Variants in SMOC1 observed in about 807,000 individuals in gnomAD.
SMOC1 encodes SPARC related modular calcium binding 1, also known as SPARC-related modular calcium-binding protein 1.
Under a neutral mutation model 56.3 loss-of-function variants are expected in SMOC1, and 22 were observed. That is an observed-to-expected ratio of 0.39 (90% CI 0.28 to 0.56). The LOEUF is 0.56. Ranked by LOEUF, SMOC1 falls within the 20% of genes least tolerant of loss-of-function variation. The pLI is 0.61. For synonymous variants in SMOC1, 193 were observed against 215.0 expected, an observed-to-expected ratio of 0.90 and a Z score of 0.89; for missense variants, 509 against 565.4, an observed-to-expected ratio of 0.90 and a Z score of 1.01.
intron 1 of SMOC1, among the ~76,000 whole-genome samples, chr14:69,932,913 A>G (rs1040314930): frequency 4.6e-5 from 7 of 152,180 alleles, no homozygotes; most frequent in African/African-American, 1.7e-4. Flanking sequence ...GAAGCTGTGC[A>G]AGACTACACC....
intron 1 of SMOC1, among the ~76,000 whole-genome samples, chr14:69,896,191 G>T (rs1884094916): frequency 6.6e-6 from 1 of 152,192 alleles, no homozygotes; most frequent in African/African-American, 2.4e-5. Flanking sequence ...CTTTGTGAAT[G>T]AAATTCACCT....
Position 69,939,303 on chromosome 14 carries a change from G to A in SMOC1, c.100-12835G>A, listed in dbSNP as rs143811859. ...CTTACATGGCAGCAGGCAAGAGAGCGTGTGCAGGGAACTGCCCTTTATAAA... is the reference window on the plus strand; with the variant it reads ...CTTACATGGCAGCAGGCAAGAGAGCATGTGCAGGGAACTGCCCTTTATAAA... On this transcript the variant is annotated intron_variant, in intron 1 of 11. Transcript: ENST00000361956. Among the ~76,000 whole-genome samples, 1,027 of 152,330 alleles carry A rather than the reference G, an allele frequency of 6.7e-3. 5 individuals are homozygous for A. Among genetic ancestry groups the A allele is most frequent in the Non-Finnish European group, 0.012 (794 of 68,020 alleles).
chr14:69,951,553 G>C (rs1329902109), intron 1 of SMOC1, among the ~76,000 whole-genome samples: 3 of 152,184 alleles, frequency 2.0e-5, no homozygotes, highest in African/African-American at 7.2e-5. Context: ...TATTCTGCCA[G>C]AGAGAGGTGG....
chr14:69,931,303 G>C (rs1885158918), intron 1 of SMOC1, among the ~76,000 whole-genome samples: 1 of 152,212 alleles, frequency 6.6e-6, no homozygotes, highest in Admixed American at 6.5e-5. Context: ...TATCCTTCAA[G>C]GGGCAGCCTG....
At chr14:70,003,717 G>A (rs1172056796) in intron 7 of SMOC1, among the ~76,000 whole-genome samples, 1 of 152,152 alleles carries the variant, frequency 6.6e-6, no homozygotes, top group African/African-American at 2.4e-5. Flanking sequence ...GAGGACAAGG[G>A]GCCCACGAGG....
chr14:70,029,292 C>T (rs1435213329), intron 11 of SMOC1, among the ~76,000 whole-genome samples: 2 of 152,186 alleles, frequency 1.3e-5, no homozygotes, highest in Non-Finnish European at 2.9e-5. Context: ...GTGTAAGTCG[C>T]CCCTCTGCTC....
rs117476821 is a variant in SMOC1 at position 69,915,285 on chromosome 14, A to G, written c.99+35508A>G. 8.0e-4 allele frequency among the ~76,000 whole-genome samples: 122 copies of G among 152,264 alleles called. 2 individuals are homozygous for G. In the East Asian group the frequency reaches 0.016, roughly 20 times the overall value. On this transcript the variant is annotated intron_variant, in intron 1 of 11. Coordinates refer to ENST00000361956, the MANE Select transcript of SMOC1 (RefSeq NM_001034852.3). ...TGGAAGATAGTTTCTTCAGGTTACCATTACTGTATCTCTGAATCTACCCAT... is the reference window on the plus strand; with the variant it reads ...TGGAAGATAGTTTCTTCAGGTTACCGTTACTGTATCTCTGAATCTACCCAT...
At chr14:69,900,624 C>T (rs1884219302) in intron 1 of SMOC1, among the ~76,000 whole-genome samples, 1 of 152,192 alleles carries the variant, frequency 6.6e-6, no homozygotes, top group Non-Finnish European at 1.5e-5. Context: ...ATTCATTGAC[C>T]TGAGATGCTT....
chr14:69,922,347 C>T (rs1027435234), intron 1 of SMOC1, among the ~76,000 whole-genome samples: 12 of 152,312 alleles, frequency 7.9e-5, no homozygotes, highest in African/African-American at 2.4e-4. Flanking sequence ...ATGCTTCAGG[C>T]GTAAAGGTCT....
intron 1 of SMOC1, among the ~76,000 whole-genome samples, chr14:69,911,205 C>A (rs1370646275): frequency 3.3e-5 from 5 of 152,070 alleles, no homozygotes; most frequent in African/African-American, 1.2e-4. Flanking sequence ...CTCTGTCTAC[C>A]ACTGTGTTAG....
chr14:70,002,014 C>T (rs1018971236), intron 7 of SMOC1, among the ~76,000 whole-genome samples: 1 of 152,164 alleles, frequency 6.6e-6, no homozygotes, highest in African/African-American at 2.4e-5. Flanking sequence ...CTGCTTTTAG[C>T]CTTGCCAAGG....
intron 11 of SMOC1, among the ~76,000 whole-genome samples, chr14:70,027,428 G>A (rs574011607): frequency 5.9e-5 from 9 of 152,100 alleles, no homozygotes; most frequent in Admixed American, 1.3e-4. Flanking sequence ...TGGGGGCAGC[G>A]TGGGCAGGAG....
At chr14:69,980,210 G>T (rs550477272) in intron 5 of SMOC1, among the ~76,000 whole-genome samples, 12 of 152,282 alleles carry the variant, frequency 7.9e-5, no homozygotes, top group Admixed American at 3.3e-4. Context: ...GAGGAGCCTG[G>T]TTCCTCCAGG....
At chr14:69,881,723 A>G (rs894801401) in intron 1 of SMOC1, among the ~76,000 whole-genome samples, 7 of 152,118 alleles carry the variant, frequency 4.6e-5, no homozygotes, top group Admixed American at 3.9e-4. Context: ...TTTAGAAAGT[A>G]CCAAGGAGAA....
chr14:69,974,902 G>C (rs1311895347), intron 3 of SMOC1, among the ~76,000 whole-genome samples: 1 of 152,090 alleles, frequency 6.6e-6, no homozygotes, highest in Non-Finnish European at 1.5e-5. Flanking sequence ...ACAGTCACAA[G>C]ATCAATAGGC....
intron 1 of SMOC1, among the ~76,000 whole-genome samples, chr14:69,942,788 G>A (rs1190102969): frequency 1.3e-5 from 2 of 152,206 alleles, no homozygotes; most frequent in Non-Finnish European, 2.9e-5. Context: ...GATTGAGAAG[G>A]AGCATGGGTT....
chr14:70,010,612 G>T, intron 7 of SMOC1, 142 bp from the exon 8 acceptor site: 1 of 864,538 alleles, frequency 1.2e-6, no homozygotes. Flanking sequence ...ACAGCTCTCT[G>T]TGGTAATTCA....
At chr14:69,954,922 G>A (rs1258579314) in intron 3 of SMOC1, among the ~76,000 whole-genome samples, 1 of 152,126 alleles carries the variant, frequency 6.6e-6, no homozygotes, top group African/African-American at 2.4e-5. Flanking sequence ...TTTCTGTTGA[G>A]GTAGAAATGT....
intron 7 of SMOC1, among the ~76,000 whole-genome samples, chr14:70,001,944 C>T (rs1884983794): frequency 1.3e-5 from 2 of 152,218 alleles, no homozygotes; most frequent in Admixed American, 6.5e-5. Context: ...GACTTCAGAA[C>T]CTCCTAACAT....
Sources: allele counts gnomAD v4.1 joint callset (sites outside exome capture counted in the v4.1 genomes callset), GRCh38; gene constraint gnomAD v4.1.1; transcripts MANE v1.5; gene names NCBI Gene and HGNC (gene_info 2026-07-23, HGNC 2026-07-21).